Variants in PPP5C observed in about 807,000 individuals in gnomAD.
PPP5C encodes serine/threonine-protein phosphatase 5.
PPP5C carries 21 observed loss-of-function variants against 66.7 expected under a neutral mutation model. That is an observed-to-expected ratio of 0.31 (90% confidence interval 0.22 to 0.45). The LOEUF is 0.45. Ranked by LOEUF, PPP5C falls within the 20% of genes least tolerant of loss-of-function variation. The pLI is 1.00. For missense variants in PPP5C, 464 were observed against 675.9 expected (o/e 0.69, Z 3.48); for synonymous variants, 246 against 257.4 (o/e 0.96, Z 0.43).
At chr19:46,363,357 A>C in intron 2 of PPP5C, among the ~76,000 whole-genome samples, 1 of 114,266 alleles carries the variant, frequency 8.8e-6, no homozygotes, top group Non-Finnish European at 1.8e-5. Context: ...ACAATTTTAA[A>C]CTAGTTTTAT....
chr19:46,359,532 A>G (rs1259692174), intron 2 of PPP5C, among the ~76,000 whole-genome samples: 1 of 152,184 alleles, frequency 6.6e-6, no homozygotes, highest in Non-Finnish European at 1.5e-5. Context: ...ACTGTAGGCA[A>G]GTAATAAAAA....
At chr19:46,386,941 G>C in intron 7 of PPP5C, 152 bp from the exon 8 acceptor site, 1 of 1,037,630 alleles carries the variant, frequency 9.6e-7, no homozygotes, top group Non-Finnish European at 1.4e-6. Flanking sequence ...TTCCCCCCTT[G>C]GTACCTCCAG....
intron 1 of PPP5C, 116 bp downstream of exon 1, chr19:46,347,333 G>A: frequency 7.0e-7 from 1 of 1,421,666 alleles, no homozygotes; most frequent in Non-Finnish European, 9.3e-7. Flanking sequence ...ACTACCAAGT[G>A]ACCGGGCGTG....
chr19:46,363,299 C>G (rs1972426686), intron 2 of PPP5C, among the ~76,000 whole-genome samples: 1 of 50,150 alleles, frequency 2.0e-5, no homozygotes, highest in Non-Finnish European at 3.2e-5. Context: ...CAGAGCGAGA[C>G]TCCATCTCAA....
In PPP5C at chr19:46,390,428, C is replaced by A; in HGVS notation, c.*82C>A. The A allele has an allele frequency of 6.5e-7, 1 of 1,543,242 alleles. No homozygotes were observed. Among genetic ancestry groups the A allele is most frequent in the Non-Finnish European group, 8.7e-7 (1 of 1,142,984 alleles). On this transcript the variant is annotated 3_prime_UTR_variant, in exon 13 of 13. Coordinates refer to ENST00000012443, the MANE Select transcript of PPP5C (RefSeq NM_006247.4). The stretch of plus-strand genomic sequence containing the variant: ...CCCTGGGCTAGGGGCAGAGCAGGCC[C>A]CGCCCCAGGGCAATGTTGGACCCCC...
At chr19:46,370,208 T>C (rs1972564020) in intron 2 of PPP5C, among the ~76,000 whole-genome samples, 1 of 152,264 alleles carries the variant, frequency 6.6e-6, no homozygotes, top group Admixed American at 6.5e-5. Context: ...TTTCTCACTT[T>C]GTTGTAATAA....
intron 2 of PPP5C, among the ~76,000 whole-genome samples, chr19:46,359,488 C>G (rs1972344179): frequency 6.6e-6 from 1 of 152,108 alleles, no homozygotes; most frequent in Non-Finnish European, 1.5e-5. Context: ...TGGGGACTTA[C>G]TGTAGCCAAG....
chr19:46,377,252 C>G (rs1264115103), intron 4 of PPP5C, among the ~76,000 whole-genome samples: 2 of 152,206 alleles, frequency 1.3e-5, no homozygotes, highest in African/African-American at 4.8e-5. Context: ...GGGTTCAAAT[C>G]TCTACCTTCC....
rs75442594 is a variant in PPP5C, at chr19:46,364,963, A to G, written c.364-10641A>G. 1.5e-3 allele frequency among the ~76,000 whole-genome samples: 223 copies of G among 152,252 alleles called. 1 individual carries two copies. Among genetic ancestry groups the G allele is most frequent in the African/African-American group, 4.5e-3 (185 of 41,550 alleles). On this transcript the variant is annotated intron_variant, in intron 2 of 12. Coordinates refer to ENST00000012443, the MANE Select transcript of PPP5C (RefSeq NM_006247.4). ...TCCTTTAAGGCAAAGCTCAGTTTCAATGAGCAGTTTCCTATAATTTTATTT... is the reference window on the plus strand; with the variant it reads ...TCCTTTAAGGCAAAGCTCAGTTTCAGTGAGCAGTTTCCTATAATTTTATTT...
chr19:46,369,157 T>C (rs944888675), intron 2 of PPP5C, among the ~76,000 whole-genome samples: 2 of 152,066 alleles, frequency 1.3e-5, no homozygotes, highest in Admixed American at 6.5e-5. Context: ...TGTTGTTAGG[T>C]GATTTCATTG....
chr19:46,390,940 T>G lies in PPP5C; in HGVS notation c.*594T>G. The G allele has an allele frequency of 8.5e-7, 1 of 1,176,386 alleles. No homozygotes were observed. The highest frequency in any genetic ancestry group is 1.1e-6 in the Non-Finnish European group (1 of 932,462). 72.9% of individuals were successfully genotyped at this position (1,176,386 alleles called of 1,614,324 possible). On this transcript the variant is annotated 3_prime_UTR_variant, in exon 13 of 13. Coordinates refer to ENST00000012443, the MANE Select transcript of PPP5C (RefSeq NM_006247.4). ...TCCGGAGGGTGGGGAGGCCGCAAAG[T>G]CCCGCTGGCCGGGCCCACCCAGCTC...
intron 7 of PPP5C, among the ~76,000 whole-genome samples, chr19:46,386,166 G>A (rs1328761395): frequency 1.3e-5 from 2 of 152,136 alleles, no homozygotes; most frequent in East Asian, 3.9e-4. Flanking sequence ...TGAGACTCAG[G>A]AGACATGGGA....
At chr19:46,384,623 G>A (rs1972851517) in intron 6 of PPP5C, 181 bp from the exon 7 acceptor site, 1 of 566,298 alleles carries the variant, frequency 1.8e-6, no homozygotes. Flanking sequence ...CCACGGTGAG[G>A]AAAGGATTAG....
Position 46,353,744 on chromosome 19 carries a change from G to T in PPP5C, c.122-4G>T, listed in dbSNP as rs751103826. On this transcript the variant is annotated splice_polypyrimidine_tract_variant and splice_region_variant and intron_variant, in intron 1 of 12. Coordinates refer to ENST00000012443, the MANE Select transcript of PPP5C (RefSeq NM_006247.4). Reference sequence around the variant, plus strand: ...GCCTCATGCCTCTTCTTCTGTCTCCGCAGCCAAGGACTACGAGAACGCCAT... The same window carrying T: ...GCCTCATGCCTCTTCTTCTGTCTCCTCAGCCAAGGACTACGAGAACGCCAT... 6.2e-7 allele frequency: 1 copy of T among 1,613,994 alleles called. No individual in the cohort carries two copies. The highest frequency in any genetic ancestry group is 1.1e-5 in the South Asian group (1 of 91,072).
rs1294744355 is a variant in PPP5C at position 46,347,130 on chromosome 19, G to A, written c.34G>A (p.Ala12Thr). The part of the protein sequence containing the change: ...AMAEGERTEC[A>T]EPPRDEPPAD... ...GGCGGAGGGCGAGAGGACTGAGTGT[G>A]CTGAGCCCCCCCGGGACGAACCCCC... is the stretch of plus-strand genomic sequence containing the variant. The change falls in exon 1 of 13, where the codon GCT becomes ACT. Residue 12 changes from alanine to threonine, a missense_variant. This residue lies in a region of PPP5C where 77 missense variants were observed against 49.9 expected (regional missense o/e 1.54). Transcript: ENST00000012443. 6.2e-7 allele frequency: 1 copy of A among 1,605,218 alleles called. No individual in the cohort carries two copies. Among genetic ancestry groups the A allele is most frequent in the Non-Finnish European group, 8.5e-7 (1 of 1,176,208 alleles).
chr19:46,376,810 G>A lies in PPP5C; in HGVS notation c.633+236G>A, dbSNP rs1354388579. 4.1e-6 allele frequency: 2 copies of A among 482,560 alleles called. No homozygotes were observed. Among genetic ancestry groups the A allele is most frequent in the African/African-American group, 3.9e-5 (2 of 50,794 alleles). 29.9% of individuals were successfully genotyped at this position (482,560 alleles called of 1,614,324 possible). ...TGACAGATGCAGGGACAAAGGGCCA[G>A]AGAGGTCAGGTGACTGGCCCAGGGT... On this transcript the variant is annotated intron_variant, in intron 4 of 12. Transcript: ENST00000012443. The surrounding 1 kb of genome is among the most constrained non-coding windows in gnomAD (Gnocchi z 5.1).
chr19:46,379,911 G>A (rs932458816), intron 4 of PPP5C, among the ~76,000 whole-genome samples: 6 of 152,110 alleles, frequency 3.9e-5, no homozygotes, highest in South Asian at 2.1e-4. Flanking sequence ...ATCATTTCCC[G>A]GAACCCTGGA....
At chr19:46,389,663 A>G (rs902391064) in intron 11 of PPP5C, among the ~76,000 whole-genome samples, 12 of 151,498 alleles carry the variant, frequency 7.9e-5, no homozygotes, top group African/African-American at 2.7e-4. Context: ...TGTACGAGTC[A>G]CCTGTGTCCT....
chr19:46,386,875 C>A, intron 7 of PPP5C: 1 of 646,332 alleles, frequency 1.5e-6, no homozygotes, highest in South Asian at 1.9e-5. Context: ...TCCCAAAGTG[C>A]TGGAATTATA....
Sources: gnomAD v4.1 joint callset for allele counts (sites outside exome capture counted in the v4.1 genomes callset) on GRCh38, gnomAD v4.1.1 for gene constraint, gnomAD v4.1.1 regional missense constraint, Gnocchi (gnomAD v3.1) non-coding constraint, MANE v1.5 for transcripts, NCBI Gene and HGNC (gene_info 2026-07-23, HGNC 2026-07-21) for gene names.